Variants in MPP2 observed in about 807,000 individuals in gnomAD.
The protein encoded by MPP2 is MAGUK p55 subfamily member 2.
A neutral mutation model predicts 58.5 loss-of-function variants in MPP2; 42 were observed. That is an observed-to-expected ratio of 0.72 (90% CI 0.56 to 0.93). The LOEUF is 0.93. Among genes scored for constraint, MPP2 ranks in the 40% least tolerant of loss-of-function variants. The probability of loss-of-function intolerance (pLI) is 0.00; values close to 1 mark genes in which losing one functional copy is unlikely to be tolerated. For synonymous variants in MPP2, 300 were observed against 307.8 expected (o/e 0.97, Z 0.26); for missense variants, 632 against 760.4 (o/e 0.83, Z 1.99).
chr17:43,887,835 T>C (rs2047436204), intron 3 of MPP2, among the ~76,000 whole-genome samples: 1 of 151,830 alleles, frequency 6.6e-6, no homozygotes, highest in East Asian at 1.9e-4. Context: ...GGTGTGACAA[T>C]AGTAGTGTAG....
intron 1 of MPP2, chr17:43,905,516 C>A: frequency 6.6e-6 from 1 of 152,552 alleles, no homozygotes; most frequent in Non-Finnish European, 1.5e-5. Context: ...CTAGGAGTGG[C>A]TCCCTCGTTC....
Position 43,876,672 on chromosome 17 carries a change from C to T in MPP2, c.*1135G>A, listed in dbSNP as rs1028520396. Reference sequence around the variant, plus strand: ...ACACACACACGCACGTGCACACGCACACACATACACACAACCTGGTGCCAG... The same window carrying T: ...ACACACACACGCACGTGCACACGCATACACATACACACAACCTGGTGCCAG... On this transcript the variant is annotated 3_prime_UTR_variant, in exon 13 of 13. Transcript: ENST00000269095. 29 of 35,670 alleles carry T rather than the reference C, an allele frequency of 8.1e-4. No individual in the cohort carries two copies. The highest frequency in any genetic ancestry group is 1.1e-3 in the African/African-American group (28 of 25,950). The allele number at this position is 35,670 out of a possible 1,614,324, so 2.2% of individuals were successfully genotyped here. A position where few individuals can be genotyped will look rare whatever the true frequency, so the allele number is the denominator to read the frequency against.
At chr17:43,894,462 CAA>C (rs1445929705) in intron 3 of MPP2, among the ~76,000 whole-genome samples, 2 of 85,358 alleles carry the variant, frequency 2.3e-5, no homozygotes, top group Non-Finnish European at 2.6e-5. Context: ...CACACACACA[CAA>C]AAATTAGCCG....
At chr17:43,892,165 T>C (rs1333316450) in intron 3 of MPP2, among the ~76,000 whole-genome samples, 1 of 152,200 alleles carries the variant, frequency 6.6e-6, no homozygotes. Context: ...CCTCAGGCCC[T>C]GTCCCTCCCT....
chr17:43,887,755 C>A, intron 3 of MPP2, among the ~76,000 whole-genome samples: 1 of 151,942 alleles, frequency 6.6e-6, no homozygotes, highest in East Asian at 1.9e-4. Context: ...AGCAAGACCC[C>A]ATCTCTATTT....
chr17:43,882,000 C>T (rs1165041313), intron 6 of MPP2, among the ~76,000 whole-genome samples: 1 of 152,214 alleles, frequency 6.6e-6, no homozygotes, highest in Non-Finnish European at 1.5e-5. Context: ...CCTGCGCACG[C>T]GCACAAACGT....
chr17:43,882,671 G>A (rs1044611228), intron 5 of MPP2, among the ~76,000 whole-genome samples, 160 bp from the exon 6 acceptor site: 1 of 143,312 alleles, frequency 7.0e-6, no homozygotes, highest in Admixed American at 7.0e-5. Flanking sequence ...CTTACAGCAG[G>A]TACTAATGAG....
chr17:43,909,446 C>A, upstream of MPP2: 2 of 738,552 alleles, frequency 2.7e-6, no homozygotes, highest in South Asian at 3.5e-5. Flanking sequence ...CTGTCCACCT[C>A]TGGGCTGGAA....
In MPP2 at chr17:43,907,503, C is replaced by A; in HGVS notation, c.-63G>T. The A allele has an allele frequency of 1.0e-6, 1 of 985,502 alleles. No individual in the cohort carries two copies. The highest frequency in any genetic ancestry group is 1.2e-6 in the Non-Finnish European group (1 of 829,960). 61.0% of individuals were successfully genotyped at this position (985,502 alleles called of 1,614,324 possible). ...GCCCCGGGAAGCCCCTAGCTCCGGG[C>A]GGCTCCAGCGCAGCCGGGCGCTCAG... is the stretch of plus-strand genomic sequence containing the variant. On this transcript the variant is annotated 5_prime_UTR_variant, in exon 1 of 13. Transcript: ENST00000269095.
In MPP2 at chr17:43,883,235, G is replaced by A. The variant is rs1190990009; in HGVS notation, c.271C>T (p.Leu91=). The part of the protein sequence containing the change: ...LAEQSSTAAE[L]AHILQEPHFQ... ...TGGGGCTCCTGGAGGATGTGGGCCA[G>A]CTCGGCGGCTGTGCTGCTCTGCTCA... is the stretch of plus-strand genomic sequence containing the variant. Residue 91 remains leucine, a synonymous_variant, in exon 4 of 13, where the codon CTG becomes TTG. Coordinates refer to ENST00000269095, the MANE Select transcript of MPP2 (RefSeq NM_005374.5). 42 of 1,608,272 alleles carry A rather than the reference G, an allele frequency of 2.6e-5. No individual in the cohort carries two copies. Among genetic ancestry groups the A allele is most frequent in the Non-Finnish European group, 3.5e-5 (41 of 1,177,588 alleles).
Position 43,880,395 on chromosome 17 carries a change from A to G in MPP2, c.1150+296T>C, listed in dbSNP as rs763579350. ...ACACATGCAGCTCGTAGCCTGTTTC[A>G]CCCGGGTGCACAGCTGGGCACTCAC... On this transcript the variant is annotated intron_variant, in intron 10 of 12. Coordinates refer to ENST00000269095, the MANE Select transcript of MPP2 (RefSeq NM_005374.5). The surrounding 1 kb of genome is among the most constrained non-coding windows in gnomAD (Gnocchi z 5.2). Among the ~76,000 whole-genome samples the G allele has an allele frequency of 5.9e-5, 9 of 152,076 alleles. No individual in the cohort carries two copies. The highest frequency in any genetic ancestry group is 1.3e-4 in the Non-Finnish European group (9 of 68,002).
chr17:43,896,000 C>T (rs2047827162), intron 3 of MPP2, among the ~76,000 whole-genome samples: 1 of 152,184 alleles, frequency 6.6e-6, no homozygotes, highest in Non-Finnish European at 1.5e-5. Context: ...TGTGAATAGG[C>T]TACAATCCAA....
At chr17:43,903,867 T>C (rs1398380466) in intron 2 of MPP2, among the ~76,000 whole-genome samples, 1 of 152,212 alleles carries the variant, frequency 6.6e-6, no homozygotes, top group East Asian at 1.9e-4. Context: ...TGCTAGTTTG[T>C]CTGAGTGGCC....
chr17:43,896,802 T>A (rs907433082), intron 3 of MPP2, among the ~76,000 whole-genome samples: 2 of 152,082 alleles, frequency 1.3e-5, no homozygotes, highest in African/African-American at 4.8e-5. Context: ...CCATCTCTGA[T>A]CCCTAATTCC....
At chr17:43,907,556 G>T (rs889865289), upstream of MPP2, 26 of 985,508 alleles carry the variant, frequency 2.6e-5, no homozygotes, top group Non-Finnish European at 2.8e-5. Context: ...TCGCTAGCCC[G>T]GCTCTTAAAG....
rs1055338936 is a variant in MPP2 at position 43,879,911 on chromosome 17, C to T, written c.1224G>A (p.Glu408=). 9 of 1,613,992 alleles carry T rather than the reference C, an allele frequency of 5.6e-6. No individual in the cohort carries two copies. Among genetic ancestry groups the T allele is most frequent in the African/African-American group, 1.3e-5 (1 of 74,886 alleles). The stretch of plus-strand genomic sequence containing the variant: ...GGTAGCGCCCAGCACGGACGTCAGC[C>T]TCCATCTCCCCACGGGACACAAAGC... The part of the protein sequence containing the change: ...GYSFVSRGEM[E]ADVRAGRYLE... Residue 408 remains glutamate, a synonymous_variant, in exon 11 of 13, where the codon GAG becomes GAA. Coordinates refer to ENST00000269095, the MANE Select transcript of MPP2 (RefSeq NM_005374.5). The surrounding 1 kb of genome is among the most constrained non-coding windows in gnomAD (Gnocchi z 4.1).
At chr17:43,896,396 T>C (rs2047849084) in intron 3 of MPP2, among the ~76,000 whole-genome samples, 3 of 152,058 alleles carry the variant, frequency 2.0e-5, no homozygotes, top group Admixed American at 1.3e-4. Flanking sequence ...CTGTCCTCCT[T>C]GGAAAACTTT....
intron 2 of MPP2, chr17:43,900,469 A>T (rs2143763627): frequency 6.5e-7 from 1 of 1,548,146 alleles, no homozygotes; most frequent in East Asian, 2.4e-5. Flanking sequence ...GCCCTTCCCT[A>T]CCTTCCCTCT....
Position 43,883,392 on chromosome 17 carries a change from TCC to T in MPP2, c.151-39_151-38del, listed in dbSNP as rs762944608. On this transcript the variant is annotated intron_variant, in intron 3 of 12. Coordinates refer to ENST00000269095, the MANE Select transcript of MPP2 (RefSeq NM_005374.5). Reference sequence around the variant, plus strand: ...AGCAGAACAGGTGGGGCTAGGAGCTTCCCCAGGAGCCCTGGGACACCAAGCAG... The same window carrying T: ...AGCAGAACAGGTGGGGCTAGGAGCTTCCAGGAGCCCTGGGACACCAAGCAG... The T allele has an allele frequency of 8.2e-6, 13 of 1,592,984 alleles. No individual in the cohort carries two copies. In the East Asian group the frequency reaches 2.7e-4, roughly 33 times the overall value.
Sources: gnomAD v4.1 joint callset for allele counts (sites outside exome capture counted in the v4.1 genomes callset) on GRCh38, gnomAD v4.1.1 for gene constraint, Gnocchi (gnomAD v3.1) non-coding constraint, MANE v1.5 for transcripts, NCBI Gene and HGNC (gene_info 2026-07-23, HGNC 2026-07-21) for gene names.